EXOC4: variants seen among roughly 807,000 people sequenced by gnomAD.
The protein encoded by EXOC4 is exocyst complex component 4.
In EXOC4, 71 loss-of-function variants were observed where a neutral mutation model predicts 107.2. The ratio of observed to expected loss-of-function variants is 0.66; its 90% CI spans 0.55 to 0.81. EXOC4 has a LOEUF of 0.81. EXOC4 is among the 30% of genes least tolerant of loss of function. The pLI is 0.00. For synonymous variants in EXOC4, 456 were observed against 441.2 expected, an observed-to-expected ratio of 1.03 and a Z score of -0.42; for missense variants, 1,108 against 1,189.6, an observed-to-expected ratio of 0.93 and a Z score of 1.01.
chr7:133,675,717 G>C (rs1165735969), intron 10 of EXOC4, among the ~76,000 whole-genome samples: 1 of 152,162 alleles, frequency 6.6e-6, no homozygotes, highest in Non-Finnish European at 1.5e-5. Flanking sequence ...TACATCTCCA[G>C]ATAACGGCGT....
chr7:134,073,216 A>AAAAAAAAAAAAAAAAAAAAAC, the EXOC4 span, among the ~76,000 whole-genome samples: 1 of 44,906 alleles, frequency 2.2e-5, no homozygotes, highest in African/African-American at 1.2e-4. Flanking sequence ...AAAAAAAAAA[A>AAAAAAAAAAAAAAAAAAAAAC]AAAAAAAAAA....
chr7:133,600,850 C>T (rs1801789407), intron 9 of EXOC4, among the ~76,000 whole-genome samples: 1 of 152,092 alleles, frequency 6.6e-6, no homozygotes, highest in Non-Finnish European at 1.5e-5. Context: ...ACATTTCAAA[C>T]CTTTAGTCAG....
chr7:133,699,648 T>C (rs1263478529), intron 10 of EXOC4, among the ~76,000 whole-genome samples: 3 of 152,188 alleles, frequency 2.0e-5, no homozygotes, highest in Non-Finnish European at 4.4e-5. Context: ...CAAGCAAACA[T>C]GCATGAGGGC....
chr7:133,509,881 G>C (rs1799734502), intron 9 of EXOC4, among the ~76,000 whole-genome samples: 1 of 152,128 alleles, frequency 6.6e-6, no homozygotes, highest in Non-Finnish European at 1.5e-5. Flanking sequence ...TGTATCACTG[G>C]ATCCCCGTCA....
chr7:133,566,070 A>G (rs1800900366), intron 9 of EXOC4, among the ~76,000 whole-genome samples: 1 of 152,210 alleles, frequency 6.6e-6, no homozygotes, highest in African/African-American at 2.4e-5. Flanking sequence ...GTTTGAGATC[A>G]TTTATAAAGG....
At chr7:133,861,185 C>A (rs1057186625) in intron 11 of EXOC4, among the ~76,000 whole-genome samples, 5 of 152,240 alleles carry the variant, frequency 3.3e-5, no homozygotes, top group Admixed American at 3.3e-4. Context: ...TAGAAGAGAA[C>A]CCCAAAGGGT....
At chr7:134,075,104 TAGC>T in the EXOC4 span, among the ~76,000 whole-genome samples, 3 of 152,240 alleles carry the variant, frequency 2.0e-5, no homozygotes, top group Non-Finnish European at 4.4e-5. Context: ...CAAACCTGCC[TAGC>T]AGGAGGCCTG....
intron 9 of EXOC4, among the ~76,000 whole-genome samples, chr7:133,600,264 A>C (rs1470188892): frequency 1.3e-5 from 2 of 151,954 alleles, no homozygotes; most frequent in Admixed American, 6.6e-5. Context: ...TCAACCACCA[A>C]CCATCTGTGA....
chr7:133,397,057 G>A (rs1796983795), intron 7 of EXOC4, among the ~76,000 whole-genome samples: 1 of 152,084 alleles, frequency 6.6e-6, no homozygotes, highest in African/African-American at 2.4e-5. Flanking sequence ...AGCTGGTCCA[G>A]ACAAAGCCCA....
chr7:133,272,518 C>T (rs1220920931), intron 1 of EXOC4, among the ~76,000 whole-genome samples: 1 of 151,934 alleles, frequency 6.6e-6, no homozygotes, highest in Non-Finnish European at 1.5e-5. Context: ...CTCCTGGCAG[C>T]TAGTAAGCCT....
intron 7 of EXOC4, among the ~76,000 whole-genome samples, chr7:133,438,503 A>G (rs1157950556): frequency 3.3e-5 from 5 of 152,108 alleles, no homozygotes; most frequent in Non-Finnish European, 7.4e-5. Context: ...ATTATCTAAT[A>G]TACTCTGGTT....
chr7:133,291,565 A>T (rs1482323895), intron 3 of EXOC4, among the ~76,000 whole-genome samples: 1 of 151,826 alleles, frequency 6.6e-6, no homozygotes, highest in African/African-American at 2.4e-5. Flanking sequence ...CATTTTTAGT[A>T]GAGATGGGTT....
intron 14 of EXOC4, among the ~76,000 whole-genome samples, chr7:133,987,735 C>A (rs745637311): frequency 2.0e-5 from 3 of 152,122 alleles, no homozygotes; most frequent in Non-Finnish European, 4.4e-5. Context: ...GCCGAGATAA[C>A]CATCTTTCCC....
intron 10 of EXOC4, among the ~76,000 whole-genome samples, chr7:133,691,414 A>T (rs920689207): frequency 6.6e-6 from 1 of 152,210 alleles, no homozygotes; most frequent in Non-Finnish European, 1.5e-5. Flanking sequence ...GCTTCTAGAG[A>T]TTCTCTTGAA....
chr7:134,015,712 TAAAATACAA>T (rs1794890582), intron 17 of EXOC4, among the ~76,000 whole-genome samples: 1 of 151,634 alleles, frequency 6.6e-6, no homozygotes, highest in Non-Finnish European at 1.5e-5. Context: ...CCGTCTCTAC[TAAAATACAA>T]AAAATTAGCC....
At chr7:134,078,356 A>T in the EXOC4 span, among the ~76,000 whole-genome samples, 2 of 151,654 alleles carry the variant, frequency 1.3e-5, no homozygotes, top group African/African-American at 4.8e-5. Context: ...TAGAGATTAT[A>T]AATCTGCTGT....
chr7:133,548,545 A>G (rs919260090), intron 9 of EXOC4, among the ~76,000 whole-genome samples: 13 of 152,212 alleles, frequency 8.5e-5, no homozygotes, highest in Admixed American at 3.9e-4. Context: ...GCCACCATCA[A>G]TGATCTTGGC....
intron 10 of EXOC4, among the ~76,000 whole-genome samples, chr7:133,714,412 G>A (rs1794958515): frequency 6.6e-6 from 1 of 152,168 alleles, no homozygotes. Context: ...ACCAGAGTGA[G>A]AACAAAGCCT....
At chr7:133,529,611 A>G (rs1405009131) in intron 9 of EXOC4, among the ~76,000 whole-genome samples, 1 of 152,180 alleles carries the variant, frequency 6.6e-6, no homozygotes, top group African/African-American at 2.4e-5. Context: ...GCAGGTATTC[A>G]TATCTTTGTC....
Sources: gnomAD v4.1 joint callset for allele counts (sites outside exome capture counted in the v4.1 genomes callset) on GRCh38, gnomAD v4.1.1 for gene constraint, MANE v1.5 for transcripts, NCBI Gene and HGNC (gene_info 2026-07-23, HGNC 2026-07-21) for gene names.